Variants in MYOM3 observed in about 807,000 individuals in gnomAD.
MYOM3 encodes myomesin-3.
MYOM3 carries 155 observed loss-of-function variants against 191.7 expected under a neutral mutation model. That is an observed-to-expected ratio of 0.81 (90% CI 0.71 to 0.92). The LOEUF (loss-of-function observed/expected upper bound fraction) is 0.92, where lower values mean the gene tolerates loss of function less well. MYOM3 is among the 40% of genes least tolerant of loss of function. MYOM3 has a pLI of 0.00. For missense variants in MYOM3, 1,889 were observed against 1,890.6 expected, an observed-to-expected ratio of 1.00 and a Z score of 0.02; for synonymous variants, 757 against 762.9, an observed-to-expected ratio of 0.99 and a Z score of 0.13.
chr1:24,067,549 G>A (rs753506136), intron 27 of MYOM3, among the ~76,000 whole-genome samples: 28 of 151,168 alleles, frequency 1.9e-4, no homozygotes, highest in Non-Finnish European at 3.5e-4. Flanking sequence ...TGCAAGCTCC[G>A]CCTCCTGGTT....
chr1:24,086,621 G>T, intron 15 of MYOM3, 23 bp downstream of exon 15: 1 of 1,607,548 alleles, frequency 6.2e-7, no homozygotes. Flanking sequence ...CCTCCTCCCC[G>T]ACCCCCGGCA....
At chr1:24,093,719 A>G (rs1643863983) in intron 9 of MYOM3, among the ~76,000 whole-genome samples, 1 of 111,562 alleles carries the variant, frequency 9.0e-6, no homozygotes, top group African/African-American at 3.4e-5. Flanking sequence ...TCCGCCCTCC[A>G]TTCAGCACCT....
In MYOM3 at chr1:24,086,841, GGGAC is replaced by G. The variant is rs776562090; in HGVS notation, c.1615-18_1615-15del. 14 of 1,612,792 alleles carry G rather than the reference GGGAC, an allele frequency of 8.7e-6. No homozygotes were observed. The Admixed American group carries it at 1.0e-4, about 12-fold the overall frequency. The stretch of plus-strand genomic sequence containing the variant: ...ACCTATGACTGACTGAAGAAACAGA[GGGAC>G]TCACATTGGCTAACTGGTCGCCCAG... On this transcript the variant is annotated splice_polypyrimidine_tract_variant and intron_variant, in intron 14 of 36. Coordinates refer to ENST00000374434, the MANE Select transcript of MYOM3 (RefSeq NM_152372.4).
rs1643755078 is a variant in MYOM3, at chr1:24,086,841, G to A, written c.1615-14C>T. On this transcript the variant is annotated splice_polypyrimidine_tract_variant and intron_variant, in intron 14 of 36. Coordinates refer to ENST00000374434, the MANE Select transcript of MYOM3 (RefSeq NM_152372.4). ...ACCTATGACTGACTGAAGAAACAGA[G>A]GGACTCACATTGGCTAACTGGTCGC... is the stretch of plus-strand genomic sequence containing the variant. The A allele has an allele frequency of 1.2e-6, 2 of 1,612,792 alleles. No individual in the cohort carries two copies. Among genetic ancestry groups the A allele is most frequent in the South Asian group, 2.2e-5 (2 of 90,884 alleles).
At chr1:24,064,696 G>A (rs1367772812) in intron 29 of MYOM3, among the ~76,000 whole-genome samples, 1 of 152,234 alleles carries the variant, frequency 6.6e-6, no homozygotes, top group African/African-American at 2.4e-5. Context: ...TTCAAGGCAA[G>A]GTCCAGAGAT....
At chr1:24,099,120 C>T (rs1182101693) in intron 6 of MYOM3, among the ~76,000 whole-genome samples, 1 of 152,090 alleles carries the variant, frequency 6.6e-6, no homozygotes, top group Non-Finnish European at 1.5e-5. Context: ...TCTTATATTC[C>T]CGTGTGGCCT....
intron 15 of MYOM3, among the ~76,000 whole-genome samples, chr1:24,086,347 C>T (rs575903854): frequency 2.6e-4 from 39 of 152,206 alleles, no homozygotes; most frequent in African/African-American, 7.9e-4. Context: ...ACCTGTGGAA[C>T]GGAGGGACCA....
At chr1:24,089,959 A>G in intron 13 of MYOM3, 106 bp downstream of exon 13, 1 of 1,189,160 alleles carries the variant, frequency 8.4e-7, no homozygotes. Context: ...ACCTGCCCTC[A>G]TCCCCCACAC....
Position 24,063,370 on chromosome 1 carries a change from C to A in MYOM3, c.3661+122G>T. 1 of 1,413,728 alleles carries A rather than the reference C, an allele frequency of 7.1e-7. No homozygotes were observed. Among genetic ancestry groups the A allele is most frequent in the Non-Finnish European group, 1.0e-6 (1 of 1,004,492 alleles). The allele number at this position is 1,413,728 out of a possible 1,614,324, so 87.6% of individuals were successfully genotyped here. A position where few individuals can be genotyped will look rare whatever the true frequency, so the allele number is the denominator to read the frequency against. On this transcript the variant is annotated intron_variant, in intron 31 of 36. Transcript: ENST00000374434. This position sits in a 1 kb window ranked among gnomAD's most constrained non-coding sequence, Gnocchi z 4.5. The stretch of plus-strand genomic sequence containing the variant: ...CAGTGCTGTGAAGAGGCGGGATTTT[C>A]TCTTCGGTGTTTGAGGTTAGAAACT...
At chr1:24,109,363 G>A (rs1388938379) in intron 1 of MYOM3, among the ~76,000 whole-genome samples, 5 of 151,576 alleles carry the variant, frequency 3.3e-5, no homozygotes, top group South Asian at 4.3e-4. Context: ...AGTTGTGAAG[G>A]TTAGATGAGT....
In MYOM3 at chr1:24,109,128, C is replaced by T. The variant is rs146553231; in HGVS notation, c.-18-474G>A. On this transcript the variant is annotated intron_variant, in intron 1 of 36. Coordinates refer to ENST00000374434, the MANE Select transcript of MYOM3 (RefSeq NM_152372.4). Reference sequence around the variant, plus strand: ...AGTCCTACCTCTGGGCCTTTGCCCACGCTGGTTTCCTCTCCCGGCACACCC... The same window carrying T: ...AGTCCTACCTCTGGGCCTTTGCCCATGCTGGTTTCCTCTCCCGGCACACCC... Among the ~76,000 whole-genome samples the T allele has an allele frequency of 1.4e-4, 22 of 152,366 alleles. No homozygotes were observed. The East Asian group carries it at 2.3e-3, about 16-fold the overall frequency.
At chr1:24,100,656 G>A (rs547989241) in intron 5 of MYOM3, among the ~76,000 whole-genome samples, 2 of 152,342 alleles carry the variant, frequency 1.3e-5, no homozygotes, top group East Asian at 1.9e-4. Flanking sequence ...GGAGGCTGAG[G>A]CGGGCGGATC....
intron 20 of MYOM3, 93 bp downstream of exon 20, chr1:24,079,923 A>T: frequency 8.8e-7 from 1 of 1,137,264 alleles, no homozygotes; most frequent in Non-Finnish European, 1.2e-6. Flanking sequence ...CCATTAAGTG[A>T]GAGCAGTGAT....
intron 1 of MYOM3, among the ~76,000 whole-genome samples, chr1:24,108,939 A>G (rs1644017962): frequency 1.3e-5 from 2 of 152,216 alleles, no homozygotes; most frequent in African/African-American, 4.8e-5. Context: ...AGCTGCTTCC[A>G]GCTGCAGCCC....
At chr1:24,074,610 G>A (rs1643574264) in intron 22 of MYOM3, among the ~76,000 whole-genome samples, 1 of 152,244 alleles carries the variant, frequency 6.6e-6, no homozygotes. Context: ...GCATGTGACA[G>A]GGGCCCTTGT....
chr1:24,098,124 G>C, intron 6 of MYOM3, 113 bp from the exon 7 acceptor site: 1 of 740,082 alleles, frequency 1.4e-6, no homozygotes, highest in Non-Finnish European at 2.4e-6. Context: ...ACGGTGCCAG[G>C]AAGAGACTTT....
intron 20 of MYOM3, among the ~76,000 whole-genome samples, chr1:24,078,503 T>C (rs1475319253): frequency 6.6e-6 from 1 of 152,222 alleles, no homozygotes; most frequent in Non-Finnish European, 1.5e-5. Flanking sequence ...TCTTATTCTT[T>C]GCCATTGTTA....
At chr1:24,095,142 T>C (rs762826345) in intron 8 of MYOM3, 152 bp from the exon 9 acceptor site, 1 of 846,826 alleles carries the variant, frequency 1.2e-6, no homozygotes, top group Non-Finnish European at 1.8e-6. Flanking sequence ...GGAAGAGACT[T>C]ATCTAGGTAG....
intron 13 of MYOM3, 126 bp downstream of exon 13, chr1:24,089,939 A>G (rs368518988): frequency 1.8e-5 from 18 of 985,524 alleles, no homozygotes; most frequent in East Asian, 2.6e-5. Flanking sequence ...ACTGCCTCCA[A>G]CTAGGCCCCA....
Sources: gnomAD v4.1 joint callset for allele counts (sites outside exome capture counted in the v4.1 genomes callset) on GRCh38, gnomAD v4.1.1 for gene constraint, Gnocchi (gnomAD v3.1) non-coding constraint, MANE v1.5 for transcripts, NCBI Gene and HGNC (gene_info 2026-07-23, HGNC 2026-07-21) for gene names.